Variants in JUP observed in about 807,000 individuals in gnomAD.
JUP encodes the protein catenin (cadherin-associated protein), gamma 80kDa.
Under a neutral mutation model 71.1 loss-of-function variants are expected in JUP, and 28 were observed. The observed-to-expected ratio is 0.39, with a 90% CI of 0.29 to 0.54. The LOEUF is 0.54. JUP is among the 20% of genes least tolerant of loss of function. JUP has a pLI of 0.62. For missense variants in JUP, 869 were observed against 1,030.1 expected (o/e 0.84, Z 2.14); for synonymous variants, 401 against 438.9 (o/e 0.91, Z 1.08).
At position 41,775,947 on chromosome 17, in the gene JUP, GC is replaced by G. The variant is rs1344015408; in HGVS notation, c.-8-4086del. Reference sequence around the variant, plus strand: ...GACTGACCTGGCAGAGTGTGGCCCAGCCCTGACATTAAAAATAGCCCCACCA... The same window carrying G: ...GACTGACCTGGCAGAGTGTGGCCCAGCCTGACATTAAAAATAGCCCCACCA... On this transcript the variant is annotated intron_variant, in intron 1 of 13. Coordinates refer to ENST00000393931, the MANE Select transcript of JUP (RefSeq NM_002230.4). 1.2e-4 allele frequency: 120 copies of G among 984,690 alleles called. No homozygotes were observed. The African/African-American group carries it at 2.1e-3, about 17-fold the overall frequency. 61.0% of individuals were successfully genotyped at this position (984,690 alleles called of 1,614,324 possible).
intron 8 of JUP, among the ~76,000 whole-genome samples, chr17:41,760,080 T>C (rs1422834075): frequency 2.0e-5 from 3 of 151,200 alleles, no homozygotes; most frequent in Non-Finnish European, 3.0e-5. Flanking sequence ...CGGGAATTGC[T>C]TGAACCTGGG....
At chr17:41,757,379 A>G (rs1555598497) in intron 12 of JUP, 36 bp downstream of exon 12, 2 of 1,613,756 alleles carry the variant, frequency 1.2e-6, no homozygotes, top group South Asian at 2.2e-5. Context: ...CCCAACTTGC[A>G]CAACCAACTA....
At chr17:41,757,363 G>A in intron 12 of JUP, 52 bp downstream of exon 12, 1 of 1,607,326 alleles carries the variant, frequency 6.2e-7, no homozygotes, top group Non-Finnish European at 8.5e-7. Flanking sequence ...TTGCCCATGG[G>A]CAGTGCCCAA....
chr17:41,772,872 G>A lies in JUP; in HGVS notation c.-8-1010C>T, dbSNP rs574147907. 1.4e-4 allele frequency: 141 copies of A among 985,440 alleles called. No homozygotes were observed. The African/African-American group carries it at 2.2e-3, about 15-fold the overall frequency. 61.0% of individuals were successfully genotyped at this position (985,440 alleles called of 1,614,324 possible). On this transcript the variant is annotated intron_variant, in intron 1 of 13. Transcript: ENST00000393931. ...TTTGTACCAGGGAGGTGAACTTCCC[G>A]CTTGGTCTGTGTTTGGCTCCACTGT...
At chr17:41,773,036 C>T (rs1036739410) in intron 1 of JUP, 26 of 973,902 alleles carry the variant, frequency 2.7e-5, no homozygotes, top group Non-Finnish European at 2.9e-5. Flanking sequence ...ACTGGTCCCC[C>T]GCGTACAGAT....
chr17:41,771,584 T>G, intron 2 of JUP, 63 bp downstream of exon 2: 1 of 1,486,504 alleles, frequency 6.7e-7, no homozygotes, highest in Non-Finnish European at 9.4e-7. Context: ...CCTTTCACTC[T>G]GACCTCTCTC....
At chr17:41,756,291 G>A (rs1913731541) in intron 12 of JUP, 77 bp from the exon 13 acceptor site, 4 of 1,439,914 alleles carry the variant, frequency 2.8e-6, no homozygotes, top group Middle Eastern at 1.9e-4. Flanking sequence ...GGTGGGCAGG[G>A]AGAGATGCTT....
At chr17:41,758,326 A>T in intron 10 of JUP, 73 bp downstream of exon 10, 1 of 1,597,274 alleles carries the variant, frequency 6.3e-7, no homozygotes, top group South Asian at 1.1e-5. Flanking sequence ...AGGCCTCCCA[A>T]ATCTGGGACT....
intron 1 of JUP, among the ~76,000 whole-genome samples, chr17:41,777,736 C>A (rs535008796): frequency 5.5e-4 from 84 of 152,354 alleles, no homozygotes; most frequent in African/African-American, 1.9e-3. Flanking sequence ...CCTGCCGACC[C>A]AGCTGCTGTT....
At chr17:41,764,880 G>A (rs1555603287) in intron 6 of JUP, 43 bp downstream of exon 6, 9 of 1,613,788 alleles carry the variant, frequency 5.6e-6, no homozygotes, top group South Asian at 3.3e-5. Flanking sequence ...TGGCAGCTGG[G>A]CAGAGCTCCC....
chr17:41,764,114 T>C (rs1344288711), intron 7 of JUP, among the ~76,000 whole-genome samples: 22 of 152,094 alleles, frequency 1.4e-4, no homozygotes, highest in Admixed American at 1.2e-3. Flanking sequence ...AGGGGAGGCC[T>C]GGGGAATGGT....
At chr17:41,765,353 TTTTTG>T (rs1326015089) in intron 5 of JUP, among the ~76,000 whole-genome samples, 12 of 143,440 alleles carry the variant, frequency 8.4e-5, no homozygotes, top group African/African-American at 3.1e-4. Context: ...CCAATAAGTT[TTTTTG>T]TTTTTTTTTT....
chr17:41,769,295 C>G (rs1916207529), intron 3 of JUP, 88 bp from the exon 4 acceptor site: 1 of 1,558,052 alleles, frequency 6.4e-7, no homozygotes, highest in Non-Finnish European at 8.7e-7. Flanking sequence ...CCCAGTCAGA[C>G]TCATCACACA....
chr17:41,763,387 G>T, intron 7 of JUP, 66 bp from the exon 8 acceptor site: 3 of 1,237,144 alleles, frequency 2.4e-6, no homozygotes, highest in Non-Finnish European at 3.5e-6. Flanking sequence ...TCTCGAATAT[G>T]TCCAAGGGGA....
At chr17:41,757,079 A>G (rs1913938511) in intron 12 of JUP, among the ~76,000 whole-genome samples, 1 of 152,106 alleles carries the variant, frequency 6.6e-6, no homozygotes, top group Non-Finnish European at 1.5e-5. Flanking sequence ...GGACTAGAGC[A>G]GCTCAGGGGA....
rs782770278 is a variant in JUP at position 41,769,557 on chromosome 17, G to A, written c.329C>T (p.Ala110Val). Residue 110 changes from alanine to valine, a missense_variant, in exon 3 of 14, where the codon GCC becomes GTC. Coordinates refer to ENST00000393931, the MANE Select transcript of JUP (RefSeq NM_002230.4). ...CTCGGCCAGTCGCTGCAGGTTGGTG[G>A]CCTGCCCCTCCACCTGGGTGGCCAG... ...LLLATQVEGQ[A>V]TNLQRLAEPS... 64 of 1,607,964 alleles carry A rather than the reference G, an allele frequency of 4.0e-5. No individual in the cohort carries two copies. The highest frequency in any genetic ancestry group is 1.6e-4 in the Middle Eastern group (1 of 6,072).
chr17:41,759,005 C>T, intron 8 of JUP, 135 bp from the exon 9 acceptor site: 1 of 890,404 alleles, frequency 1.1e-6, no homozygotes, highest in Non-Finnish European at 1.7e-6. Context: ...TGGAAAATAT[C>T]CAGAGAAGGA....
At chr17:41,766,742 C>T (rs1197993404) in intron 5 of JUP, among the ~76,000 whole-genome samples, 2 of 151,778 alleles carry the variant, frequency 1.3e-5, no homozygotes, top group African/African-American at 2.4e-5. Flanking sequence ...GTAATCCTAG[C>T]TACTTGGGAG....
chr17:41,758,538 G>C lies in JUP; in HGVS notation c.1654-20C>G, dbSNP rs781863466. On this transcript the variant is annotated intron_variant, in intron 9 of 13. Coordinates refer to ENST00000393931, the MANE Select transcript of JUP (RefSeq NM_002230.4). Reference sequence around the variant, plus strand: ...ACCATCCTGTGTGAGAGGAGGCAGGGGGCATGGGACAGGTGCCTTGGACAT... The same window carrying C: ...ACCATCCTGTGTGAGAGGAGGCAGGCGGCATGGGACAGGTGCCTTGGACAT... 6.2e-7 allele frequency: 1 copy of C among 1,604,146 alleles called. No individual in the cohort carries two copies. Among genetic ancestry groups the C allele is most frequent in the South Asian group, 1.1e-5 (1 of 90,620 alleles).
Sources: allele counts gnomAD v4.1 joint callset (sites outside exome capture counted in the v4.1 genomes callset), GRCh38; gene constraint gnomAD v4.1.1; transcripts MANE v1.5; gene names NCBI Gene and HGNC (gene_info 2026-07-23, HGNC 2026-07-21).